Variants in SEC63 observed in about 807,000 individuals in gnomAD.
The protein encoded by SEC63 is SEC63 protein translocation regulator, also known as translocation protein SEC63 homolog.
Under a neutral mutation model 116.2 loss-of-function variants are expected in SEC63, and 56 were observed. The observed-to-expected ratio is 0.48, with a 90% CI of 0.39 to 0.60. The LOEUF (loss-of-function observed/expected upper bound fraction) is 0.60, where lower values mean the gene tolerates loss of function less well. SEC63 is among the 20% of genes least tolerant of loss of function. The pLI is 0.00. For synonymous variants in SEC63, 273 were observed against 294.6 expected (o/e 0.93, Z 0.75); for missense variants, 668 against 900.0 (o/e 0.74, Z 3.30).
chr6:107,957,974 C>T lies in SEC63; in HGVS notation c.36G>A (p.Gly12=). 3.7e-6 allele frequency: 6 copies of T among 1,613,450 alleles called. No homozygotes were observed. Among genetic ancestry groups the T allele is most frequent in the Non-Finnish European group, 5.1e-6 (6 of 1,179,600 alleles). ...AGQQFQYDDS[G]NTFFYFLTSF... ...AGGTGAGGAAGTAGAAGAAGGTGTTCCCACTGTCATCGTACTGGAACTGCT... is the reference window on the plus strand; with the variant it reads ...AGGTGAGGAAGTAGAAGAAGGTGTTTCCACTGTCATCGTACTGGAACTGCT... Residue 12 remains glycine (G), a synonymous_variant, in exon 1 of 21, where the codon GGG becomes GGA. Coordinates refer to ENST00000369002, the MANE Select transcript of SEC63 (RefSeq NM_007214.5).
At chr6:107,953,569 T>G (rs1442463608) in intron 1 of SEC63, among the ~76,000 whole-genome samples, 8 of 80,892 alleles carry the variant, frequency 9.9e-5, no homozygotes, top group African/African-American at 2.6e-4. Flanking sequence ...GGGAGGGAGG[T>G]GGGGGGGTCA....
At position 107,881,070 on chromosome 6, in the gene SEC63, G is replaced by A. The variant is rs763615406; in HGVS notation, c.1935+79C>T. ...CACATATGAACTAATACACACGACA[G>A]AGGGCTAAAAGTCAACTGACAAATC... On this transcript the variant is annotated intron_variant, in intron 18 of 20. Transcript: ENST00000369002. 274 of 1,009,690 alleles carry A rather than the reference G, an allele frequency of 2.7e-4. 1 individual carries two copies. The highest frequency in any genetic ancestry group is 3.4e-4 in the Non-Finnish European group (218 of 633,286). The allele number at this position is 1,009,690 out of a possible 1,614,324, so 62.5% of individuals were successfully genotyped here. A position where few individuals can be genotyped will look rare whatever the true frequency, so the allele number is the denominator to read the frequency against.
chr6:107,940,255 T>C (rs1053768574), intron 1 of SEC63, among the ~76,000 whole-genome samples: 1 of 152,000 alleles, frequency 6.6e-6, no homozygotes, highest in African/African-American at 2.4e-5. Flanking sequence ...CAGGAATGCC[T>C]GAACAATCTA....
intron 7 of SEC63, among the ~76,000 whole-genome samples, chr6:107,910,432 T>C (rs951064485): frequency 6.6e-6 from 1 of 152,120 alleles, no homozygotes; most frequent in East Asian, 1.9e-4. Flanking sequence ...TGCACCACCT[T>C]ACTATACAGC....
In SEC63 at chr6:107,939,382, A is replaced by C. The variant is rs553133303; in HGVS notation, c.125-9868T>G. On this transcript the variant is annotated intron_variant, in intron 1 of 20. Coordinates refer to ENST00000369002, the MANE Select transcript of SEC63 (RefSeq NM_007214.5). ...AAAACAGCTTTACCTAAAGCTGCAG[A>C]TTAGCTTATTCGATGTATAGAAAAC... 1.1e-3 allele frequency among the ~76,000 whole-genome samples: 175 copies of C among 152,362 alleles called. 1 individual carries two copies. The highest frequency in any genetic ancestry group is 4.1e-3 in the African/African-American group (169 of 41,590).
At chr6:107,944,243 T>C (rs1260844280) in intron 1 of SEC63, among the ~76,000 whole-genome samples, 1 of 152,150 alleles carries the variant, frequency 6.6e-6, no homozygotes, top group Non-Finnish European at 1.5e-5. Flanking sequence ...AAGACAGTTG[T>C]GATTAATTGA....
intron 4 of SEC63, among the ~76,000 whole-genome samples, chr6:107,917,507 G>T (rs1284991192): frequency 1.3e-5 from 2 of 152,188 alleles, no homozygotes; most frequent in African/African-American, 2.4e-5. Context: ...AGCTAGAAAT[G>T]ACTAAGCTTA....
chr6:107,955,079 A>C (rs1400290539), intron 1 of SEC63, among the ~76,000 whole-genome samples: 1 of 152,230 alleles, frequency 6.6e-6, no homozygotes, highest in African/African-American at 2.4e-5. Context: ...GAAACCACAC[A>C]GGGCTCTGAA....
At chr6:107,927,941 T>C (rs1787712246) in intron 2 of SEC63, among the ~76,000 whole-genome samples, 1 of 152,186 alleles carries the variant, frequency 6.6e-6, no homozygotes, top group Admixed American at 6.5e-5. Flanking sequence ...TATTGCTTTT[T>C]TCCCCCAAAT....
chr6:107,923,149 A>T (rs1470351138), intron 3 of SEC63, among the ~76,000 whole-genome samples: 1 of 152,194 alleles, frequency 6.6e-6, no homozygotes, highest in Admixed American at 6.5e-5. Flanking sequence ...GATAAACACA[A>T]AAGATTTTTT....
chr6:107,897,583 G>T (rs1786887350), intron 14 of SEC63, 66 bp downstream of exon 14: 2 of 1,122,448 alleles, frequency 1.8e-6, no homozygotes, highest in African/African-American at 1.5e-5. Context: ...TTGACAATGA[G>T]GGAAATAAAT....
intron 8 of SEC63, 119 bp from the exon 9 acceptor site, chr6:107,906,896 AT>A (rs1787160547): frequency 1.3e-6 from 1 of 765,058 alleles, no homozygotes; most frequent in African/African-American, 1.7e-5. Context: ...AATGCTAAAA[AT>A]TATCTGAACT....
At chr6:107,934,042 G>T (rs915108868) in intron 1 of SEC63, among the ~76,000 whole-genome samples, 1 of 152,224 alleles carries the variant, frequency 6.6e-6, no homozygotes, top group Non-Finnish European at 1.5e-5. Flanking sequence ...GCCCAGGCTG[G>T]AGTGCAGTGG....
At position 107,958,018 on chromosome 6, in the gene SEC63, C is replaced by G. The variant is rs377251668; in HGVS notation, c.-9G>C. 3.1e-6 allele frequency: 5 copies of G among 1,612,918 alleles called. No homozygotes were observed. Among genetic ancestry groups the G allele is most frequent in the Admixed American group, 3.3e-5 (2 of 59,984 alleles). On this transcript the variant is annotated 5_prime_UTR_variant, in exon 1 of 21. Coordinates refer to ENST00000369002, the MANE Select transcript of SEC63 (RefSeq NM_007214.5). ...AACTGCTGCCCGGCCATGGCACCCC[C>G]TCCTCCGCCTCGCTCTTCTCACCGC... is the stretch of plus-strand genomic sequence containing the variant.
At position 107,958,150 on chromosome 6, in the gene SEC63, C is replaced by G; in HGVS notation, c.-141G>C. ...CTCCTCCCCGCCCCCACGCCACTCTCACGGACACGCCGCCGCCACCTCTGC... is the reference window on the plus strand; with the variant it reads ...CTCCTCCCCGCCCCCACGCCACTCTGACGGACACGCCGCCGCCACCTCTGC... On this transcript the variant is annotated 5_prime_UTR_variant, in exon 1 of 21. Transcript: ENST00000369002. 1 of 1,335,494 alleles carries G rather than the reference C, an allele frequency of 7.5e-7. No homozygotes were observed. The highest frequency in any genetic ancestry group is 1.0e-6 in the Non-Finnish European group (1 of 961,338). 82.7% of individuals were successfully genotyped at this position (1,335,494 alleles called of 1,614,324 possible). A position where few individuals can be genotyped will look rare whatever the true frequency, so the allele number is the denominator to read the frequency against.
intron 16 of SEC63, among the ~76,000 whole-genome samples, chr6:107,890,245 G>C (rs1251685016): frequency 6.6e-6 from 1 of 151,866 alleles, no homozygotes; most frequent in African/African-American, 2.4e-5. Flanking sequence ...TATGAATCTG[G>C]GTACTCCTGT....
intron 8 of SEC63, among the ~76,000 whole-genome samples, chr6:107,907,409 C>T (rs1457969722): frequency 6.6e-6 from 1 of 151,864 alleles, no homozygotes; most frequent in Non-Finnish European, 1.5e-5. Flanking sequence ...TGGTGAAACC[C>T]CATCTCTACT....
chr6:107,916,686 A>G (rs768135993), intron 4 of SEC63, among the ~76,000 whole-genome samples: 1 of 152,196 alleles, frequency 6.6e-6, no homozygotes, highest in Non-Finnish European at 1.5e-5. Context: ...GTCTCACAAT[A>G]TATCTAATGT....
chr6:107,874,225 A>T (rs1786198352), intron 19 of SEC63, among the ~76,000 whole-genome samples: 1 of 152,190 alleles, frequency 6.6e-6, no homozygotes, highest in Non-Finnish European at 1.5e-5. Flanking sequence ...CAACGAGACA[A>T]ATTCGTATTA....
Sources: gnomAD v4.1 joint callset for allele counts (sites outside exome capture counted in the v4.1 genomes callset) on GRCh38, gnomAD v4.1.1 for gene constraint, MANE v1.5 for transcripts, NCBI Gene and HGNC (gene_info 2026-07-23, HGNC 2026-07-21) for gene names.